The following EXOC4 variants were observed in gnomAD, a reference collection of about 807,000 sequenced individuals.
EXOC4 encodes SEC8-like 1.
Under a neutral mutation model 107.2 loss-of-function variants are expected in EXOC4, and 71 were observed. That is an observed-to-expected ratio of 0.66 (90% CI 0.55 to 0.81). The LOEUF is 0.81. EXOC4 is among the 30% of genes least tolerant of loss of function. The probability of loss-of-function intolerance (pLI) is 0.00; values close to 1 mark genes in which losing one functional copy is unlikely to be tolerated. For missense variants in EXOC4, 1,108 were observed against 1,189.6 expected, an observed-to-expected ratio of 0.93 and a Z score of 1.01; for synonymous variants, 456 against 441.2, an observed-to-expected ratio of 1.03 and a Z score of -0.42.
At chr7:133,294,110 T>TTAC (rs1413560543) in intron 3 of EXOC4, among the ~76,000 whole-genome samples, 1 of 152,182 alleles carries the variant, frequency 6.6e-6, no homozygotes, top group Non-Finnish European at 1.5e-5. Context: ...AGATGCCTTG[T>TTAC]TACAGGTTTC....
chr7:133,886,892 C>G (rs1433270618), intron 11 of EXOC4, among the ~76,000 whole-genome samples: 1 of 151,976 alleles, frequency 6.6e-6, no homozygotes, highest in Non-Finnish European at 1.5e-5. Context: ...AACTTTTTTC[C>G]CTGTAAAAAT....
chr7:133,364,767 C>A (rs1796214490), intron 6 of EXOC4, among the ~76,000 whole-genome samples: 1 of 152,176 alleles, frequency 6.6e-6, no homozygotes, highest in Admixed American at 6.5e-5. Context: ...TGGTATCTCA[C>A]CTGAGTGAGC....
chr7:133,569,071 G>A (rs550799214), intron 9 of EXOC4, among the ~76,000 whole-genome samples: 177 of 152,160 alleles, frequency 1.2e-3, no homozygotes, highest in African/African-American at 4.1e-3. Flanking sequence ...ATGTTGGAGA[G>A]GGTAGTAATA....
chr7:133,580,358 T>C (rs2150966793), intron 9 of EXOC4, among the ~76,000 whole-genome samples: 1 of 152,328 alleles, frequency 6.6e-6, no homozygotes, highest in African/African-American at 2.4e-5. Flanking sequence ...GGATATCTAC[T>C]CAGAAGTGGA....
chr7:133,495,385 T>G (rs779179776), intron 9 of EXOC4, among the ~76,000 whole-genome samples: 5 of 152,176 alleles, frequency 3.3e-5, no homozygotes, highest in Admixed American at 6.5e-5. Flanking sequence ...TAGATTTCAC[T>G]TATTATTGAG....
chr7:133,281,862 T>G (rs1794161718), intron 2 of EXOC4, among the ~76,000 whole-genome samples: 1 of 152,084 alleles, frequency 6.6e-6, no homozygotes, highest in Non-Finnish European at 1.5e-5. Context: ...CCACCACACC[T>G]GGCTAATATT....
intron 5 of EXOC4, among the ~76,000 whole-genome samples, chr7:133,340,427 T>C: frequency 6.6e-6 from 1 of 151,476 alleles, no homozygotes; most frequent in Non-Finnish European, 1.5e-5. Context: ...ATTTTTCTTT[T>C]TTTTTTTTTT....
chr7:133,806,398 A>C (rs966028710), intron 10 of EXOC4, among the ~76,000 whole-genome samples: 1 of 152,246 alleles, frequency 6.6e-6, no homozygotes, highest in Non-Finnish European at 1.5e-5. Context: ...TCAGGAGGAC[A>C]TCATTTGAAA....
intron 9 of EXOC4, among the ~76,000 whole-genome samples, chr7:133,620,250 CTCCTGACCTTAAGTGA>C (rs1372059529): frequency 5.9e-5 from 9 of 151,962 alleles, no homozygotes; most frequent in Non-Finnish European, 1.3e-4. Flanking sequence ...TGGTTTCGAA[CTCCTGACCTTAAGTGA>C]TCCACCCGCC....
chr7:133,621,076 G>A (rs1279724791), intron 9 of EXOC4, among the ~76,000 whole-genome samples: 1 of 152,182 alleles, frequency 6.6e-6, no homozygotes, highest in Non-Finnish European at 1.5e-5. Context: ...ATTGGGCACT[G>A]CTGCTAATGG....
chr7:133,755,837 A>C (rs1033694231), intron 10 of EXOC4, among the ~76,000 whole-genome samples: 7 of 152,094 alleles, frequency 4.6e-5, no homozygotes, highest in African/African-American at 1.4e-4. Context: ...CTTCGTGTCT[A>C]GTGTCAAGGT....
intron 7 of EXOC4, among the ~76,000 whole-genome samples, chr7:133,427,655 A>G (rs985874996): frequency 2.0e-5 from 3 of 152,260 alleles, no homozygotes; most frequent in East Asian, 1.9e-4. Flanking sequence ...GAGCCACCCA[A>G]CTCTGTACTC....
chr7:133,690,099 C>T (rs1296130693), intron 10 of EXOC4, among the ~76,000 whole-genome samples: 1 of 152,138 alleles, frequency 6.6e-6, no homozygotes, highest in Non-Finnish European at 1.5e-5. Flanking sequence ...CATCTCTCTC[C>T]TGGTTCCCCA....
At chr7:133,518,022 CA>C (rs1423676940) in intron 9 of EXOC4, among the ~76,000 whole-genome samples, 1 of 151,688 alleles carries the variant, frequency 6.6e-6, no homozygotes, top group Non-Finnish European at 1.5e-5. Flanking sequence ...AGGATGGTGC[CA>C]GATGGGATGC....
intron 6 of EXOC4, among the ~76,000 whole-genome samples, chr7:133,370,402 G>C (rs1352241302): frequency 2.0e-5 from 3 of 152,148 alleles, no homozygotes; most frequent in African/African-American, 7.2e-5. Flanking sequence ...GGTGGGGCAA[G>C]TCAAGCGAGG....
chr7:133,435,837 T>C (rs1480469391), intron 7 of EXOC4, among the ~76,000 whole-genome samples: 2 of 152,220 alleles, frequency 1.3e-5, no homozygotes. Flanking sequence ...GGTAAAGTTT[T>C]TGCCGTTTAT....
At chr7:133,635,016 T>C (rs1216191238) in intron 10 of EXOC4, among the ~76,000 whole-genome samples, 1 of 152,202 alleles carries the variant, frequency 6.6e-6, no homozygotes, top group African/African-American at 2.4e-5. Context: ...ATGGAATTTA[T>C]GTTATGGGCC....
At chr7:133,268,473 T>C (rs879270131) in intron 1 of EXOC4, among the ~76,000 whole-genome samples, 30 of 152,238 alleles carry the variant, frequency 2.0e-4, no homozygotes, top group South Asian at 6.2e-4. Context: ...CTTTCTTTTG[T>C]CTTTAAGAAC....
intron 7 of EXOC4, among the ~76,000 whole-genome samples, chr7:133,470,518 C>G (rs982016176): frequency 3.3e-5 from 5 of 152,040 alleles, no homozygotes; most frequent in Admixed American, 2.6e-4. Context: ...AATAGGTCCT[C>G]AGAAAAAAAC....
Sources: gnomAD v4.1 joint callset for allele counts (sites outside exome capture counted in the v4.1 genomes callset) on GRCh38, gnomAD v4.1.1 for gene constraint, MANE v1.5 for transcripts, NCBI Gene and HGNC (gene_info 2026-07-23, HGNC 2026-07-21) for gene names.